Variants in DNAJC2 observed in about 807,000 individuals in gnomAD.
DNAJC2 encodes the protein dnaJ homolog subfamily C member 2.
DNAJC2 carries 32 observed loss-of-function variants against 94.0 expected under a neutral mutation model. The observed-to-expected ratio is 0.34, with a 90% confidence interval of 0.26 to 0.46. DNAJC2 has a LOEUF of 0.46. DNAJC2 is among the 20% of genes least tolerant of loss of function. The pLI, the probability that DNAJC2 is intolerant of heterozygous loss-of-function variation, is 1.00. For synonymous variants in DNAJC2, 210 were observed against 229.7 expected, an observed-to-expected ratio of 0.91 and a Z score of 0.77; for missense variants, 550 against 719.5, an observed-to-expected ratio of 0.76 and a Z score of 2.69.
In DNAJC2 at chr7:103,313,160, TGTG is replaced by T. The variant is rs10552420; in HGVS notation, c.1637-62_1637-60del. Reference sequence around the variant, plus strand: ...TTTGAACATGTTCTCAGACAAGTCTTGTGGTCCACAAGTATTCGCTAAGTGCCC... The same window carrying T: ...TTTGAACATGTTCTCAGACAAGTCTTGTCCACAAGTATTCGCTAAGTGCCC... On this transcript the variant is annotated intron_variant, in intron 15 of 16. Transcript: ENST00000379263. 21,669 of 1,552,730 alleles carry T rather than the reference TGTG, an allele frequency of 0.014. 2,541 individuals are homozygous for T. The African/African-American group carries it at 0.26, about 19-fold the overall frequency.
Position 103,312,615 on chromosome 7 carries a change from T to G in DNAJC2, c.1820A>C (p.Lys607Thr), listed in dbSNP as rs1169613617. 6.2e-7 allele frequency: 1 copy of G among 1,613,596 alleles called. No homozygotes were observed. Among genetic ancestry groups the G allele is most frequent in the African/African-American group, 1.3e-5 (1 of 74,932 alleles). Residue 607 changes from lysine to threonine, a missense_variant, in exon 17 of 17, where the codon AAA (lysine) becomes ACA (threonine). Lys to Thr is a moderately conservative substitution (Grantham distance 78). Coordinates refer to ENST00000379263, the MANE Select transcript of DNAJC2 (RefSeq NM_014377.3). ...ATTCAGCACTTGTTCTTGAGCAGCTTTCTTTGCTTTTACCATCTCGACAAG... is the reference window on the plus strand; with the variant it reads ...ATTCAGCACTTGTTCTTGAGCAGCTGTCTTTGCTTTTACCATCTCGACAAG... ...KELVEMVKAK[K>T]AAQEQVLNAS...
chr7:103,324,945 T>G (rs1015313255), intron 5 of DNAJC2, among the ~76,000 whole-genome samples: 19 of 152,126 alleles, frequency 1.2e-4, no homozygotes, highest in Non-Finnish European at 2.2e-4. Flanking sequence ...GCCTAGCCCT[T>G]TAAAAATGTT....
intron 13 of DNAJC2, 63 bp downstream of exon 13, chr7:103,316,767 G>T: frequency 7.5e-7 from 1 of 1,340,138 alleles, no homozygotes; most frequent in Non-Finnish European, 1.0e-6. Context: ...GCTATTTGGA[G>T]TCTGTCTACA....
intron 6 of DNAJC2, 85 bp from the exon 7 acceptor site, chr7:103,323,748 AT>A: frequency 2.9e-6 from 3 of 1,048,932 alleles, no homozygotes; most frequent in Non-Finnish European, 3.9e-6. Context: ...ATTTGTTTTA[AT>A]GGATACCTTT....
intron 16 of DNAJC2, 47 bp downstream of exon 16, chr7:103,312,900 A>G (rs760697164): frequency 1.3e-6 from 2 of 1,580,346 alleles, no homozygotes; most frequent in Admixed American, 1.9e-5. Flanking sequence ...ATATCACCCA[A>G]GCTACAATTT....
chr7:103,342,631 C>T (rs1273826764), intron 1 of DNAJC2, among the ~76,000 whole-genome samples: 3 of 137,040 alleles, frequency 2.2e-5, no homozygotes, highest in African/African-American at 8.4e-5. Flanking sequence ...TTTTTTGGGA[C>T]GGAGTCTTGC....
At chr7:103,320,764 T>C (rs200206470) in intron 10 of DNAJC2, 88 of 25,462 alleles carry the variant, frequency 3.5e-3, no homozygotes, top group South Asian at 0.015. Context: ...TATATACACA[T>C]ATATATATAT....
chr7:103,328,866 AT>A (rs1374727022), intron 3 of DNAJC2: 1 of 466,516 alleles, frequency 2.1e-6, no homozygotes, highest in African/African-American at 2.1e-5. Context: ...ATTATTATAA[AT>A]AATGCCAATT....
intron 4 of DNAJC2, chr7:103,327,303 G>T: frequency 8.4e-7 from 1 of 1,189,490 alleles, no homozygotes; most frequent in Non-Finnish European, 1.1e-6. Flanking sequence ...AAAAATCTTA[G>T]TATTCTCATC....
At chr7:103,335,085 C>T (rs1311859153) in intron 3 of DNAJC2, among the ~76,000 whole-genome samples, 1 of 152,138 alleles carries the variant, frequency 6.6e-6, no homozygotes, top group African/African-American at 2.4e-5. Context: ...CCACCTGCCC[C>T]AGCCTCCCAA....
intron 9 of DNAJC2, among the ~76,000 whole-genome samples, chr7:103,322,297 AT>A (rs920015659): frequency 1.3e-5 from 2 of 152,308 alleles, no homozygotes; most frequent in African/African-American, 4.8e-5. Context: ...TAAGCATAAT[AT>A]TAAAGGAACT....
At chr7:103,330,953 G>A (rs113245841) in intron 3 of DNAJC2, among the ~76,000 whole-genome samples, 4,241 of 151,238 alleles carry the variant, frequency 0.028, 215 homozygotes, top group African/African-American at 0.097. Context: ...CATAATACAT[G>A]AACAAAATCC....
intron 5 of DNAJC2, 199 bp from the exon 6 acceptor site, chr7:103,324,761 A>C (rs752156593): frequency 3.8e-5 from 14 of 367,922 alleles, no homozygotes; most frequent in Non-Finnish European, 6.1e-5. Context: ...AAGTGAGGCC[A>C]AAGATAGACT....
intron 12 of DNAJC2, among the ~76,000 whole-genome samples, chr7:103,318,233 A>G (rs1818182115): frequency 6.6e-6 from 1 of 151,952 alleles, no homozygotes; most frequent in Non-Finnish European, 1.5e-5. Context: ...CGACATGATC[A>G]TAGCTCACTG....
rs77281146 is a variant in DNAJC2, at chr7:103,328,967, G to C, written c.332-1213C>G. Reference sequence around the variant, plus strand: ...AGAAGTGAACTTCATGAATGGAAATGGAACAAGTTATTTTCCAAAAGGCAA... The same window carrying C: ...AGAAGTGAACTTCATGAATGGAAATCGAACAAGTTATTTTCCAAAAGGCAA... On this transcript the variant is annotated intron_variant, in intron 3 of 16. Coordinates refer to ENST00000379263, the MANE Select transcript of DNAJC2 (RefSeq NM_014377.3). 1,188 of 1,268,044 alleles carry C rather than the reference G, an allele frequency of 9.4e-4. 8 individuals carry two copies. In the African/African-American group the frequency reaches 0.016, roughly 17 times the overall value. 78.5% of individuals were successfully genotyped at this position (1,268,044 alleles called of 1,614,324 possible). A position where few individuals can be genotyped will look rare whatever the true frequency, so the allele number is the denominator to read the frequency against.
In DNAJC2 at chr7:103,315,747, A is replaced by G. The variant is rs1210780278; in HGVS notation, c.1636+17T>C. 6.3e-7 allele frequency: 1 copy of G among 1,597,680 alleles called. No homozygotes were observed. Among genetic ancestry groups the G allele is most frequent in the Non-Finnish European group, 8.6e-7 (1 of 1,165,460 alleles). On this transcript the variant is annotated intron_variant, in intron 15 of 16. Coordinates refer to ENST00000379263, the MANE Select transcript of DNAJC2 (RefSeq NM_014377.3). ...TACATGGCTAGCATTTTCTACGTTT[A>G]GAAAAGCAAAATTTACCTTCAAATC...
chr7:103,340,659 G>A (rs911678307), intron 2 of DNAJC2, among the ~76,000 whole-genome samples: 5 of 152,134 alleles, frequency 3.3e-5, no homozygotes, highest in African/African-American at 1.2e-4. Context: ...TTGAATTCAG[G>A]CACTCCAATT....
Position 103,322,069 on chromosome 7 carries a change from C to A in DNAJC2, c.946G>T (p.Glu316Ter). The change falls in exon 10 of 17, where the codon GAA (glutamate) becomes TAA (stop). Residue 316 changes from glutamate to a stop codon, truncating the protein, a stop_gained. Transcript: ENST00000379263. LOFTEE classifies it high-confidence loss of function. Reference protein sequence around the residue: ...QEAKEKQRQAELEAARLAKEK... With the variant: ...QEAKEKQRQA ...TTAGCTAACCGAGCAGCTTCTAATT[C>A]AGCTTGTCTTTGCTTTAAAAAAAGG... is the stretch of plus-strand genomic sequence containing the variant. 6.2e-7 allele frequency: 1 copy of A among 1,608,168 alleles called. No homozygotes were observed. Among genetic ancestry groups the A allele is most frequent in the Non-Finnish European group, 8.5e-7 (1 of 1,177,094 alleles).
intron 5 of DNAJC2, 73 bp from the exon 6 acceptor site, chr7:103,324,635 T>C: frequency 8.2e-7 from 1 of 1,224,032 alleles, no homozygotes. Context: ...CAATTTAATT[T>C]ATTAAAAACA....
Sources: allele counts gnomAD v4.1 joint callset (sites outside exome capture counted in the v4.1 genomes callset), GRCh38; gene constraint gnomAD v4.1.1; transcripts MANE v1.5; gene names NCBI Gene and HGNC (gene_info 2026-07-23, HGNC 2026-07-21).